ANO4: variants seen among roughly 807,000 people sequenced by gnomAD.
ANO4 encodes the protein anoctamin-4.
ANO4 carries 69 observed loss-of-function variants against 141.9 expected under a neutral mutation model. That is an observed-to-expected ratio of 0.49 (90% CI 0.40 to 0.59). ANO4 has a LOEUF of 0.59. Among genes scored for constraint, ANO4 ranks in the 20% least tolerant of loss-of-function variants. The pLI is 0.00. For synonymous variants in ANO4, 350 were observed against 394.3 expected, an observed-to-expected ratio of 0.89 and a Z score of 1.33; for missense variants, 894 against 1,162.2, an observed-to-expected ratio of 0.77 and a Z score of 3.36.
chr12:100,957,970 A>C (rs2043242519), intron 5 of ANO4, among the ~76,000 whole-genome samples: 1 of 152,178 alleles, frequency 6.6e-6, no homozygotes, highest in South Asian at 2.1e-4. Context: ...AGCCTCCCAA[A>C]GTGACAGAAT....
intron 5 of ANO4, among the ~76,000 whole-genome samples, chr12:100,945,082 C>T (rs188685616): frequency 4.5e-4 from 68 of 152,238 alleles, no homozygotes; most frequent in African/African-American, 5.1e-4. Context: ...ATATCTGAAA[C>T]GTTTGACACT....
intron 22 of ANO4, among the ~76,000 whole-genome samples, chr12:101,103,022 A>G (rs1195489522): frequency 1.3e-5 from 2 of 151,248 alleles, no homozygotes; most frequent in Admixed American, 6.6e-5. Flanking sequence ...GTTACTAATA[A>G]TATACAGAAA....
intron 1 of ANO4, among the ~76,000 whole-genome samples, chr12:100,845,486 C>A (rs2037507874): frequency 6.6e-6 from 1 of 152,148 alleles, no homozygotes. Context: ...GAGCATCCAT[C>A]CATGACTGAA....
chr12:100,803,822 C>A (rs905675066), intron 1 of ANO4, among the ~76,000 whole-genome samples: 4 of 152,128 alleles, frequency 2.6e-5, no homozygotes, highest in African/African-American at 9.7e-5. Flanking sequence ...TAGCACAGTG[C>A]CTGCAAGATG....
intron 2 of ANO4, among the ~76,000 whole-genome samples, chr12:100,737,969 T>C (rs1404469249): frequency 6.6e-6 from 1 of 152,046 alleles, no homozygotes; most frequent in Non-Finnish European, 1.5e-5. Flanking sequence ...GGTCAAAAAA[T>C]CCAGGGAACA....
chr12:100,913,591 G>A (rs533658986), intron 2 of ANO4, among the ~76,000 whole-genome samples: 3 of 152,148 alleles, frequency 2.0e-5, no homozygotes, highest in African/African-American at 4.8e-5. Flanking sequence ...AGGAAAAAAA[G>A]CATATATATA....
intron 1 of ANO4, among the ~76,000 whole-genome samples, chr12:100,842,651 G>A (rs934675682): frequency 2.6e-5 from 4 of 152,094 alleles, no homozygotes; most frequent in African/African-American, 9.7e-5. Flanking sequence ...AGGCTCAGAA[G>A]TTCAAGATCA....
At chr12:100,921,633 C>A (rs529172850) in intron 2 of ANO4, among the ~76,000 whole-genome samples, 35 of 152,172 alleles carry the variant, frequency 2.3e-4, no homozygotes, top group African/African-American at 7.9e-4. Context: ...AACTTTCTTT[C>A]TTTAGAACAT....
intron 14 of ANO4, among the ~76,000 whole-genome samples, chr12:101,074,836 G>A (rs1181869165): frequency 3.9e-5 from 6 of 152,140 alleles, no homozygotes; most frequent in African/African-American, 1.4e-4. Flanking sequence ...ATTAAGAATA[G>A]TTTTCCACAT....
chr12:101,115,884 A>G (rs999218183), intron 24 of ANO4, among the ~76,000 whole-genome samples: 1 of 152,202 alleles, frequency 6.6e-6, no homozygotes, highest in Admixed American at 6.5e-5. Context: ...TACACTGCAC[A>G]AGACTGTCCT....
At chr12:100,858,274 C>T (rs1302272055) in intron 1 of ANO4, among the ~76,000 whole-genome samples, 1 of 152,112 alleles carries the variant, frequency 6.6e-6, no homozygotes, top group Non-Finnish European at 1.5e-5. Context: ...TAAACCTGTA[C>T]ATGTTACTGT....
chr12:100,948,235 CA>C (rs2042821335), intron 5 of ANO4, among the ~76,000 whole-genome samples: 1 of 142,170 alleles, frequency 7.0e-6, no homozygotes, highest in African/African-American at 2.7e-5. Context: ...GGTAAAGGAA[CA>C]AGGAAAATTG....
At chr12:100,943,946 G>T (rs1267394512) in intron 5 of ANO4, among the ~76,000 whole-genome samples, 1 of 151,954 alleles carries the variant, frequency 6.6e-6, no homozygotes, top group African/African-American at 2.4e-5. Context: ...GATCTGAATT[G>T]CTACTTAATC....
At chr12:100,863,446 C>T (rs2038588078) in intron 1 of ANO4, among the ~76,000 whole-genome samples, 1 of 152,110 alleles carries the variant, frequency 6.6e-6, no homozygotes, top group Non-Finnish European at 1.5e-5. Flanking sequence ...TCTCCTAACT[C>T]CCCTAGGCTG....
At chr12:100,903,570 G>A (rs2040696929) in intron 2 of ANO4, among the ~76,000 whole-genome samples, 1 of 152,132 alleles carries the variant, frequency 6.6e-6, no homozygotes, top group African/African-American at 2.4e-5. Flanking sequence ...ATCAATCAAG[G>A]TTCAATCAGA....
intron 8 of ANO4, among the ~76,000 whole-genome samples, chr12:101,011,738 A>G (rs2046103556): frequency 2.0e-5 from 3 of 152,174 alleles, no homozygotes; most frequent in Admixed American, 2.0e-4. Context: ...TCCAGGGTCA[A>G]AAAACCTACC....
At chr12:100,790,164 G>C (rs1463512011), upstream of ANO4, among the ~76,000 whole-genome samples, 1 of 152,176 alleles carries the variant, frequency 6.6e-6, no homozygotes, top group African/African-American at 2.4e-5. Flanking sequence ...ATAGCAACAG[G>C]TGTAACCAGG....
At chr12:100,889,535 C>T (rs2040004202) in intron 1 of ANO4, among the ~76,000 whole-genome samples, 1 of 152,076 alleles carries the variant, frequency 6.6e-6, no homozygotes, top group South Asian at 2.1e-4. Context: ...TGAACTCAAA[C>T]AAATTTACAA....
At chr12:100,825,474 A>G (rs11615209) in intron 1 of ANO4, among the ~76,000 whole-genome samples, 27,639 of 152,002 alleles carry the variant, frequency 0.18, 2,968 homozygotes, top group Middle Eastern at 0.3. Flanking sequence ...AACTTTTTCA[A>G]CATCCAAAAT....
Sources: allele counts gnomAD v4.1 joint callset (sites outside exome capture counted in the v4.1 genomes callset), GRCh38; gene constraint gnomAD v4.1.1; transcripts MANE v1.5; gene names NCBI Gene and HGNC (gene_info 2026-07-23, HGNC 2026-07-21).